Variants in KAZN observed in about 807,000 individuals in gnomAD.
The protein encoded by KAZN is kazrin.
KAZN carries 40 observed loss-of-function variants against 87.4 expected under a neutral mutation model. The observed-to-expected ratio is 0.46, with a 90% CI of 0.36 to 0.60. The LOEUF (loss-of-function observed/expected upper bound fraction) is 0.60, where lower values mean the gene tolerates loss of function less well. KAZN is among the 20% of genes least tolerant of loss of function. KAZN has a pLI of 0.00. For synonymous variants in KAZN, 466 were observed against 458.3 expected, an observed-to-expected ratio of 1.02 and a Z score of -0.22; for missense variants, 898 against 1,073.9, an observed-to-expected ratio of 0.84 and a Z score of 2.29.
At chr1:14,959,894 C>T (rs1174837656) in intron 1 of KAZN, among the ~76,000 whole-genome samples, 1 of 152,128 alleles carries the variant, frequency 6.6e-6, no homozygotes, top group Admixed American at 6.5e-5. Context: ...TGGGTCGCTT[C>T]CTGAGGCACC....
intron 1 of KAZN, among the ~76,000 whole-genome samples, chr1:14,162,154 C>G (rs1301756787): frequency 2.0e-5 from 3 of 152,128 alleles, no homozygotes; most frequent in Admixed American, 6.5e-5. Flanking sequence ...GTCACTGTTC[C>G]TTTTATATAA....
intron 11 of KAZN, among the ~76,000 whole-genome samples, chr1:15,103,061 G>A (rs1296548653): frequency 6.6e-6 from 1 of 152,186 alleles, no homozygotes; most frequent in Admixed American, 6.5e-5. Flanking sequence ...TCAGGAGTTC[G>A]AGACCAGCCT....
intron 1 of KAZN, among the ~76,000 whole-genome samples, chr1:14,843,190 C>T (rs1235221657): frequency 6.6e-6 from 1 of 152,140 alleles, no homozygotes; most frequent in Non-Finnish European, 1.5e-5. Context: ...CTATTCAAGT[C>T]GATTCCTACT....
At chr1:15,109,849 T>TTGTG (rs1204348105) in intron 13 of KAZN, among the ~76,000 whole-genome samples, 2 of 150,742 alleles carry the variant, frequency 1.3e-5, no homozygotes, top group African/African-American at 4.9e-5. Context: ...TTGTGTATGT[T>TTGTG]TATGTGCGTG....
At chr1:14,207,717 G>C (rs1455422226) in intron 2 of KAZN, among the ~76,000 whole-genome samples, 1 of 152,086 alleles carries the variant, frequency 6.6e-6, no homozygotes, top group Non-Finnish European at 1.5e-5. Context: ...TTAGAATCCT[G>C]GTGAGTTGGA....
chr1:14,635,368 C>A (rs1679886513), intron 1 of KAZN, among the ~76,000 whole-genome samples: 1 of 152,110 alleles, frequency 6.6e-6, no homozygotes, highest in African/African-American at 2.4e-5. Context: ...TGGCACTTGC[C>A]CGTGGATGTG....
chr1:13,968,427 AG>A (rs1642020786), intron 1 of KAZN, among the ~76,000 whole-genome samples: 1 of 152,220 alleles, frequency 6.6e-6, no homozygotes, highest in Non-Finnish European at 1.5e-5. Flanking sequence ...AGCCATTGGC[AG>A]CTACTGTACC....
intron 1 of KAZN, among the ~76,000 whole-genome samples, chr1:14,165,030 C>T (rs937112910): frequency 2.7e-5 from 4 of 149,226 alleles, no homozygotes; most frequent in East Asian, 1.9e-4. Flanking sequence ...TGTCAAATTA[C>T]GGCAAAAGGA....
chr1:14,861,747 C>CA (rs1157034243), intron 1 of KAZN, among the ~76,000 whole-genome samples: 2 of 152,116 alleles, frequency 1.3e-5, no homozygotes, highest in African/African-American at 4.8e-5. Flanking sequence ...GCTAGAGACA[C>CA]AATGAGACTT....
chr1:14,073,266 T>C (rs754100977), intron 1 of KAZN, among the ~76,000 whole-genome samples: 12 of 152,150 alleles, frequency 7.9e-5, no homozygotes, highest in Non-Finnish European at 1.5e-4. Context: ...TCAGGAGAGC[T>C]GAAGAATTTG....
At chr1:14,048,093 C>A (rs1225310514) in intron 1 of KAZN, among the ~76,000 whole-genome samples, 1 of 152,098 alleles carries the variant, frequency 6.6e-6, no homozygotes, top group South Asian at 2.1e-4. Context: ...AATTACTTAA[C>A]CTCTCTCTGC....
chr1:14,180,154 A>G (rs1480248106), intron 1 of KAZN, among the ~76,000 whole-genome samples: 1 of 152,072 alleles, frequency 6.6e-6, no homozygotes, highest in Non-Finnish European at 1.5e-5. Flanking sequence ...TTTCTGCAAC[A>G]GGACTAGATA....
At chr1:14,355,077 A>C (rs1250670842) in intron 2 of KAZN, among the ~76,000 whole-genome samples, 1 of 152,192 alleles carries the variant, frequency 6.6e-6, no homozygotes, top group East Asian at 1.9e-4. Context: ...CATGCTGATG[A>C]AAAAGCCCGA....
intron 8 of KAZN, among the ~76,000 whole-genome samples, chr1:15,085,571 T>TC (rs1359632057): frequency 1.4e-4 from 21 of 152,134 alleles, no homozygotes; most frequent in African/African-American, 4.8e-4. Context: ...CAAGCAAGCC[T>TC]CCCGCCTTAG....
chr1:14,928,360 A>T (rs1659402976), intron 1 of KAZN, among the ~76,000 whole-genome samples: 2 of 151,742 alleles, frequency 1.3e-5, no homozygotes, highest in Non-Finnish European at 2.9e-5. Flanking sequence ...GAGGCAGGAG[A>T]GTGTCATGAA....
At chr1:14,104,924 T>C (rs1470737638) in intron 1 of KAZN, among the ~76,000 whole-genome samples, 1 of 151,760 alleles carries the variant, frequency 6.6e-6, no homozygotes. Flanking sequence ...TTGTATGCAA[T>C]TTTTTTGGTC....
At chr1:14,723,379 G>A (rs920878292) in intron 1 of KAZN, among the ~76,000 whole-genome samples, 15 of 152,172 alleles carry the variant, frequency 9.9e-5, no homozygotes, top group African/African-American at 3.6e-4. Context: ...AGGCAAAGCA[G>A]GAGTGCCAAG....
At chr1:13,931,901 G>A (rs1267692870) in intron 1 of KAZN, among the ~76,000 whole-genome samples, 2 of 151,910 alleles carry the variant, frequency 1.3e-5, no homozygotes, top group African/African-American at 4.8e-5. Context: ...GCAGTGGCAC[G>A]ATCTTGGCTC....
chr1:14,180,420 T>G (rs757522983), intron 1 of KAZN: 21 of 1,544,118 alleles, frequency 1.4e-5, no homozygotes, highest in Non-Finnish European at 9.6e-6. Flanking sequence ...CTTTTCCTTC[T>G]TTTTCTTTCC....
Sources: allele counts gnomAD v4.1 joint callset (sites outside exome capture counted in the v4.1 genomes callset), GRCh38; gene constraint gnomAD v4.1.1; transcripts MANE v1.5; gene names NCBI Gene and HGNC (gene_info 2026-07-23, HGNC 2026-07-21).